DYM: variants seen among roughly 807,000 people sequenced by gnomAD.
The protein encoded by DYM is dyggve-Melchior-Clausen syndrome protein.
DYM carries 78 observed loss-of-function variants against 93.1 expected under a neutral mutation model. The observed-to-expected ratio is 0.84, with a 90% CI of 0.70 to 1.01. The LOEUF (loss-of-function observed/expected upper bound fraction) is 1.01, where lower values mean the gene tolerates loss of function less well. Among genes scored for constraint, DYM ranks in the 50% least tolerant of loss-of-function variants. The pLI, the probability that DYM is intolerant of heterozygous loss-of-function variation, is 0.00. For missense variants in DYM, 789 were observed against 845.0 expected (o/e 0.93, Z 0.82); for synonymous variants, 321 against 319.7 (o/e 1.00, Z -0.04).
chr18:49,084,155 TCA>T (rs999893767), intron 17 of DYM, among the ~76,000 whole-genome samples: 7 of 152,200 alleles, frequency 4.6e-5, no homozygotes, highest in African/African-American at 1.7e-4. Flanking sequence ...GAGCCGCATC[TCA>T]CAAATTTTGA....
chr18:49,214,455 C>G (rs934758478), intron 13 of DYM, among the ~76,000 whole-genome samples: 1 of 151,782 alleles, frequency 6.6e-6, no homozygotes, highest in Non-Finnish European at 1.5e-5. Flanking sequence ...TGCCCCTGTC[C>G]GTGGAAAAAC....
intron 1 of DYM, chr18:49,447,181 A>C (rs1043028468): frequency 6.6e-6 from 1 of 152,252 alleles, no homozygotes; most frequent in African/African-American, 2.4e-5. Context: ...TTAAGAAATA[A>C]CAGGTAGGGC....
In DYM at chr18:49,361,882, C is replaced by T. The variant is rs144345026; in HGVS notation, c.494+1279G>A. Reference sequence around the variant, plus strand: ...CTGGGATTACAGGCATGCGCCACCACGCCCAGCTAGTTTTTGTATTTTTAG... The same window carrying T: ...CTGGGATTACAGGCATGCGCCACCATGCCCAGCTAGTTTTTGTATTTTTAG... On this transcript the variant is annotated intron_variant, in intron 6 of 17. Coordinates refer to ENST00000675505, the MANE Select transcript of DYM (RefSeq NM_001353214.3). Among the ~76,000 whole-genome samples, 829 of 152,232 alleles carry T rather than the reference C, an allele frequency of 5.4e-3. 5 individuals carry two copies. Among genetic ancestry groups the T allele is most frequent in the African/African-American group, 0.019 (802 of 41,540 alleles).
intron 9 of DYM, among the ~76,000 whole-genome samples, chr18:49,285,100 C>T (rs2095090546): frequency 6.6e-6 from 1 of 152,184 alleles, no homozygotes; most frequent in East Asian, 1.9e-4. Context: ...ACCAAACCTG[C>T]CGGTGCCTGC....
chr18:49,357,437 T>C (rs2065659587), intron 6 of DYM, among the ~76,000 whole-genome samples: 1 of 152,216 alleles, frequency 6.6e-6, no homozygotes, highest in Non-Finnish European at 1.5e-5. Flanking sequence ...ATTAATCTAC[T>C]AGTCCCTTAA....
rs1036577088 is a variant in DYM, at chr18:49,428,178, C to T, written c.140+2077G>A. ...ATTCAGTGAAAGAAGCCAGTCACGGCGGGGCGCAGTGGCTCACACTTGTAA... is the reference window on the plus strand; with the variant it reads ...ATTCAGTGAAAGAAGCCAGTCACGGTGGGGCGCAGTGGCTCACACTTGTAA... On this transcript the variant is annotated intron_variant, in intron 2 of 17. Transcript: ENST00000675505. 6.6e-5 allele frequency among the ~76,000 whole-genome samples: 10 copies of T among 150,516 alleles called. No individual in the cohort carries two copies. In the East Asian group the frequency reaches 1.7e-3, roughly 25 times the overall value.
intron 7 of DYM, among the ~76,000 whole-genome samples, chr18:49,333,185 T>C (rs1338097969): frequency 6.6e-6 from 1 of 152,222 alleles, no homozygotes; most frequent in Non-Finnish European, 1.5e-5. Context: ...GTGTTGGTCA[T>C]TTGCATCCAC....
At chr18:49,346,485 T>C (rs570702706) in intron 6 of DYM, among the ~76,000 whole-genome samples, 86 of 152,280 alleles carry the variant, frequency 5.6e-4, no homozygotes, top group African/African-American at 1.9e-3. Flanking sequence ...AAATGAGGCC[T>C]GAAGTAGTCA....
At position 49,460,636 on chromosome 18, in the gene DYM, G is replaced by C. The variant is rs550117641; in HGVS notation, c.-292C>G. ...CGGTGCGGAGGCCAGGAGGCGGCGAGAGAAGAGGGAAGCGACCGAGAACGC... is the reference window on the plus strand; with the variant it reads ...CGGTGCGGAGGCCAGGAGGCGGCGACAGAAGAGGGAAGCGACCGAGAACGC... On this transcript the variant is annotated 5_prime_UTR_variant, in exon 1 of 18. Coordinates refer to ENST00000675505, the MANE Select transcript of DYM (RefSeq NM_001353214.3). The C allele has an allele frequency of 1.3e-5, 2 of 152,198 alleles. No homozygotes were observed. 9.4% of individuals were successfully genotyped at this position (152,198 alleles called of 1,614,324 possible).
chr18:49,441,322 ATATATAATATAATTATATATAATTAAT>A (rs1568455405), intron 1 of DYM, among the ~76,000 whole-genome samples: 1 of 83,280 alleles, frequency 1.2e-5, no homozygotes, highest in African/African-American at 5.1e-5. Flanking sequence ...ATATATAATT[ATATATAATATAATTATATATAATTAAT>A]ATATAATTAT....
intron 2 of DYM, among the ~76,000 whole-genome samples, chr18:49,420,967 G>A (rs1005791887): frequency 6.6e-6 from 1 of 152,146 alleles, no homozygotes; most frequent in Non-Finnish European, 1.5e-5. Flanking sequence ...CTGGGGGAGG[G>A]GCACCTGCCA....
Position 49,084,477 on chromosome 18 carries a change from T to A in DYM, c.2025+12925A>T, listed in dbSNP as rs535352475. ...ATAGATGTTAGTTAGATCATGTTGG[T>A]TGATAGTGCTGTTTAAACCTATATT... On this transcript the variant is annotated intron_variant, in intron 17 of 17. Transcript: ENST00000675505. Among the ~76,000 whole-genome samples the A allele has an allele frequency of 3.9e-4, 60 of 152,304 alleles. No homozygotes were observed. In the South Asian group the frequency reaches 5.8e-3, roughly 15 times the overall value.
At chr18:49,058,381 A>G (rs12456273) in intron 17 of DYM, among the ~76,000 whole-genome samples, 16,383 of 149,598 alleles carry the variant, frequency 0.11, 1,214 homozygotes, top group East Asian at 0.26. Flanking sequence ...GTGTAGTGAT[A>G]TGATCATAGT....
At chr18:49,430,117 T>C in intron 2 of DYM, 138 bp downstream of exon 2, 2 of 860,782 alleles carry the variant, frequency 2.3e-6, no homozygotes, top group Admixed American at 2.2e-5. Flanking sequence ...TCAAATCTTT[T>C]GGATTTTCTA....
rs2070778921 is a variant in DYM at position 49,038,310 on chromosome 18, ACT to A, written c.*5743_*5744del. ...AACAAAATAGGCATGTTAAAATATC[ACT>A]CTGGTTGCATATTTGTCTAAATTTC... On this transcript the variant is annotated 3_prime_UTR_variant, in exon 18 of 18. Transcript: ENST00000675505. Among the ~76,000 whole-genome samples, 1 of 152,034 alleles carries A rather than the reference ACT, an allele frequency of 6.6e-6. No individual in the cohort carries two copies. Among genetic ancestry groups the A allele is most frequent in the Non-Finnish European group, 1.5e-5 (1 of 68,006 alleles).
At chr18:49,297,107 A>C (rs1046370291) in intron 8 of DYM, among the ~76,000 whole-genome samples, 1 of 152,238 alleles carries the variant, frequency 6.6e-6, no homozygotes, top group African/African-American at 2.4e-5. Flanking sequence ...AGTTCTAAAT[A>C]TAGGTGTCAA....
chr18:49,299,147 G>A (rs2060744657), intron 8 of DYM, among the ~76,000 whole-genome samples: 1 of 152,088 alleles, frequency 6.6e-6, no homozygotes, highest in Non-Finnish European at 1.5e-5. Flanking sequence ...AATGATGATG[G>A]TGTAAGCAGA....
chr18:49,056,473 A>C (rs2144528553), intron 17 of DYM, among the ~76,000 whole-genome samples: 1 of 152,320 alleles, frequency 6.6e-6, no homozygotes, highest in East Asian at 1.9e-4. Flanking sequence ...TTGTAAGCTG[A>C]AACAAAGATT....
intron 13 of DYM, among the ~76,000 whole-genome samples, chr18:49,226,309 C>T (rs1019951139): frequency 2.0e-5 from 3 of 152,066 alleles, no homozygotes; most frequent in African/African-American, 7.2e-5. Flanking sequence ...ACCAGCATTC[C>T]TTCCTACATG....
Sources: allele counts gnomAD v4.1 joint callset (sites outside exome capture counted in the v4.1 genomes callset), GRCh38; gene constraint gnomAD v4.1.1; transcripts MANE v1.5; gene names NCBI Gene and HGNC (gene_info 2026-07-23, HGNC 2026-07-21).